The following HPSE2 variants were observed in gnomAD, a reference collection of about 807,000 sequenced individuals.
The protein encoded by HPSE2 is inactive heparanase-2.
In HPSE2, 38 loss-of-function variants were observed where a neutral mutation model predicts 60.5. That is an observed-to-expected ratio of 0.63 (90% CI 0.48 to 0.82). The LOEUF is 0.82. Among genes scored for constraint, HPSE2 ranks in the 40% least tolerant of loss-of-function variants. The probability of loss-of-function intolerance (pLI) is 0.00; values close to 1 mark genes in which losing one functional copy is unlikely to be tolerated. For missense variants in HPSE2, 713 were observed against 740.4 expected (o/e 0.96, Z 0.43); for synonymous variants, 295 against 293.2 (o/e 1.01, Z -0.06).
At chr10:99,026,778 G>A (rs1326012207) in intron 3 of HPSE2, among the ~76,000 whole-genome samples, 1 of 152,042 alleles carries the variant, frequency 6.6e-6, no homozygotes, top group East Asian at 1.9e-4. Context: ...TATCTTCCCT[G>A]ACCACAATAG....
intron 3 of HPSE2, among the ~76,000 whole-genome samples, chr10:99,122,715 A>G (rs893179242): frequency 6.6e-5 from 10 of 152,146 alleles, no homozygotes; most frequent in Admixed American, 1.3e-4. Context: ...ATACTGAAAA[A>G]TATCAATCCT....
intron 3 of HPSE2, among the ~76,000 whole-genome samples, chr10:99,060,072 A>G (rs1259087383): frequency 6.6e-6 from 1 of 151,942 alleles, no homozygotes; most frequent in Admixed American, 6.6e-5. Context: ...AAATAAACCT[A>G]TGGATATAAA....
chr10:98,727,890 T>C (rs1379005701), intron 4 of HPSE2, among the ~76,000 whole-genome samples: 46 of 152,096 alleles, frequency 3.0e-4, no homozygotes, highest in Admixed American at 6.5e-5. Context: ...GATGGTAGGA[T>C]GATATATTCA....
intron 3 of HPSE2, among the ~76,000 whole-genome samples, chr10:98,910,823 GA>G (rs1953957631): frequency 6.6e-6 from 1 of 151,904 alleles, no homozygotes. Flanking sequence ...TTTGTGGATT[GA>G]AAAAAAATTT....
chr10:98,666,773 C>T (rs898475952), intron 6 of HPSE2, among the ~76,000 whole-genome samples: 16 of 152,090 alleles, frequency 1.1e-4, no homozygotes, highest in African/African-American at 3.9e-4. Flanking sequence ...CCTTGGGATG[C>T]CACTAAAGTG....
At chr10:98,575,472 T>C (rs1348830517) in intron 9 of HPSE2, among the ~76,000 whole-genome samples, 1 of 152,200 alleles carries the variant, frequency 6.6e-6, no homozygotes, top group African/African-American at 2.4e-5. Flanking sequence ...AACGGTGAAT[T>C]TGTAGTAGCA....
rs569049700 is a variant in HPSE2, at chr10:98,647,883, T to C, written c.1005-5943A>G. Among the ~76,000 whole-genome samples the C allele has an allele frequency of 4.6e-5, 7 of 152,324 alleles. No homozygotes were observed. In the South Asian group the frequency reaches 1.5e-3, roughly 32 times the overall value. On this transcript the variant is annotated intron_variant, in intron 6 of 11. Transcript: ENST00000370552. The stretch of plus-strand genomic sequence containing the variant: ...GGTTCTACAGAATACAGATGTTTCT[T>C]TGGCTTTCTTAAACCAGTTCAAATA...
chr10:98,512,363 C>T (rs1239539642), intron 9 of HPSE2, among the ~76,000 whole-genome samples: 31 of 152,114 alleles, frequency 2.0e-4, no homozygotes, highest in Admixed American at 2.0e-3. Flanking sequence ...GGGCGGATCA[C>T]GAGGTCCGGA....
intron 2 of HPSE2, among the ~76,000 whole-genome samples, chr10:99,186,947 T>A (rs1001448396): frequency 1.3e-5 from 2 of 151,944 alleles, no homozygotes; most frequent in Admixed American, 6.6e-5. Context: ...CATGCCCAGC[T>A]AGTTTTTTGT....
chr10:99,129,695 A>C (rs1398199980), intron 3 of HPSE2, among the ~76,000 whole-genome samples: 1 of 151,826 alleles, frequency 6.6e-6, no homozygotes, highest in South Asian at 2.1e-4. Flanking sequence ...AAAGAGTACA[A>C]ATAAACAATC....
At chr10:98,687,025 A>T (rs900312257) in intron 6 of HPSE2, among the ~76,000 whole-genome samples, 5 of 152,048 alleles carry the variant, frequency 3.3e-5, no homozygotes, top group Non-Finnish European at 7.4e-5. Flanking sequence ...ATTTCCAACT[A>T]TGATAGTGGA....
chr10:98,582,080 T>C (rs1265656147), intron 9 of HPSE2, among the ~76,000 whole-genome samples: 5 of 152,186 alleles, frequency 3.3e-5, no homozygotes, highest in African/African-American at 1.2e-4. Context: ...TACATCCTCC[T>C]GCACTTAAAC....
chr10:99,123,534 C>T (rs1047694818), intron 3 of HPSE2, among the ~76,000 whole-genome samples: 4 of 152,190 alleles, frequency 2.6e-5, no homozygotes, highest in Admixed American at 6.5e-5. Flanking sequence ...CTTCTTGTTG[C>T]CCACAACAAG....
chr10:98,522,568 G>A (rs913782213), intron 9 of HPSE2, among the ~76,000 whole-genome samples: 38 of 152,190 alleles, frequency 2.5e-4, no homozygotes, highest in African/African-American at 7.5e-4. Context: ...TCCGCTTCCC[G>A]GATTCAAGAG....
the HPSE2 span, among the ~76,000 whole-genome samples, chr10:99,260,916 T>G: frequency 6.6e-6 from 1 of 152,200 alleles, no homozygotes; most frequent in African/African-American, 2.4e-5. Context: ...AACTCACACC[T>G]GACCTAAAAC....
At chr10:99,293,610 A>G in the HPSE2 span, among the ~76,000 whole-genome samples, 130,145 of 152,188 alleles carry the variant, frequency 0.86, 55,996 homozygotes, top group African/African-American at 0.92. Flanking sequence ...AACATAACTG[A>G]TTTTTACAGC....
At chr10:98,860,681 A>G (rs942631824) in intron 3 of HPSE2, among the ~76,000 whole-genome samples, 1 of 152,170 alleles carries the variant, frequency 6.6e-6, no homozygotes, top group Non-Finnish European at 1.5e-5. Context: ...ATATTATGCT[A>G]TTAACTACTA....
intron 3 of HPSE2, among the ~76,000 whole-genome samples, chr10:99,009,979 G>C (rs985636222): frequency 3.9e-5 from 6 of 152,172 alleles, no homozygotes; most frequent in African/African-American, 9.7e-5. Context: ...GTTGCTAAAA[G>C]CTTCATAGAC....
At chr10:98,842,859 A>C (rs928631550) in intron 3 of HPSE2, among the ~76,000 whole-genome samples, 2 of 151,602 alleles carry the variant, frequency 1.3e-5, no homozygotes, top group Non-Finnish European at 2.9e-5. Context: ...CCCACTTGTC[A>C]CTCCCTCCCA....
Sources: allele counts gnomAD v4.1 joint callset (sites outside exome capture counted in the v4.1 genomes callset), GRCh38; gene constraint gnomAD v4.1.1; transcripts MANE v1.5; gene names NCBI Gene and HGNC (gene_info 2026-07-23, HGNC 2026-07-21).